The following BAIAP2 variants were observed in gnomAD, a reference collection of about 807,000 sequenced individuals.
BAIAP2 encodes the protein BAR/IMD domain-containing adapter protein 2.
BAIAP2 carries 18 observed loss-of-function variants against 63.0 expected under a neutral mutation model. That is an observed-to-expected ratio of 0.29 (90% CI 0.20 to 0.42). The LOEUF is 0.42. Among genes scored for constraint, BAIAP2 ranks in the 10% least tolerant of loss-of-function variants. BAIAP2 has a pLI of 1.00. For synonymous variants in BAIAP2, 386 were observed against 307.6 expected (o/e 1.25, Z -2.67); for missense variants, 610 against 734.3 (o/e 0.83, Z 1.96).
intron 1 of BAIAP2, among the ~76,000 whole-genome samples, chr17:81,045,243 G>A (rs2047645256): frequency 6.6e-6 from 1 of 152,212 alleles, no homozygotes; most frequent in African/African-American, 2.4e-5. Context: ...AGGGCGTGCA[G>A]GTGTCCAAGG....
At position 81,103,567 on chromosome 17, in the gene BAIAP2, C is replaced by A; in HGVS notation, c.708C>A (p.Ile236=). 1.2e-6 allele frequency: 2 copies of A among 1,601,678 alleles called. No individual in the cohort carries two copies. The highest frequency in any genetic ancestry group is 1.7e-6 in the Non-Finnish European group (2 of 1,178,944). The change falls in exon 8 of 14, where the codon ATC becomes ATA. Residue 236 remains isoleucine (I), a synonymous_variant. Transcript: ENST00000428708. ...AGGCCTGTGCCGACCCCAGCAAGAT[C>A]CCGGAGCGCGCGGTGCAGCTCATGC... ...WQQACADPSK[I]PERAVQLMQQ...
chr17:81,110,958 TAGTA>T (rs756971041), intron 13 of BAIAP2: 8 of 1,613,724 alleles, frequency 5.0e-6, no homozygotes, highest in African/African-American at 1.3e-5. Context: ...TGACTAGAGT[TAGTA>T]AGTTGCCTGG....
intron 3 of BAIAP2, among the ~76,000 whole-genome samples, chr17:81,079,776 C>A (rs1364938665): frequency 1.3e-5 from 2 of 152,202 alleles, no homozygotes; most frequent in African/African-American, 2.4e-5. Flanking sequence ...TACATTTGAA[C>A]CTCGTCTTTA....
chr17:81,105,580 G>A (rs937121598), intron 10 of BAIAP2: 1 of 157,774 alleles, frequency 6.3e-6, no homozygotes. Flanking sequence ...CCTGGGGGCT[G>A]CATTCCCAGG....
At position 81,115,774 on chromosome 17, in the gene BAIAP2, C is replaced by T. The variant is rs748064943; in HGVS notation, c.1540C>T (p.Pro514Ser). Residue 514 changes from proline to serine, a missense_variant, in exon 14 of 14, where the codon CCC becomes TCC. Physicochemically the swap from Pro to Ser is moderately conservative, Grantham distance 74. This residue lies in a region of BAIAP2 where 114 missense variants were observed against 98.2 expected (regional missense o/e 1.16). Coordinates refer to ENST00000428708, the MANE Select transcript of BAIAP2 (RefSeq NM_001144888.2). ...DYGARSMSRNPFAHVQLKPTV... is the reference protein window; with the variant it reads ...DYGARSMSRNSFAHVQLKPTV... Reference sequence around the variant, plus strand: ...AACCACGTTTTTCTCTTTCAGGAATCCCTTTGCCCACGTCCAGCTGAAGCC... The same window carrying T: ...AACCACGTTTTTCTCTTTCAGGAATTCCTTTGCCCACGTCCAGCTGAAGCC... 6.2e-6 allele frequency: 10 copies of T among 1,613,448 alleles called. No individual in the cohort carries two copies. Among genetic ancestry groups the T allele is most frequent in the Admixed American group, 1.7e-5 (1 of 60,004 alleles).
rs986309024 is a variant in BAIAP2 at position 81,116,107 on chromosome 17, A to G, written c.*268A>G. 7.4e-5 allele frequency: 115 copies of G among 1,549,322 alleles called. No individual in the cohort carries two copies. The highest frequency in any genetic ancestry group is 9.2e-5 in the Non-Finnish European group (106 of 1,150,770). On this transcript the variant is annotated 3_prime_UTR_variant, in exon 14 of 14. Coordinates refer to ENST00000428708, the MANE Select transcript of BAIAP2 (RefSeq NM_001144888.2). Reference sequence around the variant, plus strand: ...CTTGAGGGTACACGCCTCTGGTCACATGGCCATGGAGCCTTGGGTACCCCT... The same window carrying G: ...CTTGAGGGTACACGCCTCTGGTCACGTGGCCATGGAGCCTTGGGTACCCCT...
chr17:81,038,968 G>A (rs1353252050), intron 1 of BAIAP2, among the ~76,000 whole-genome samples: 2 of 152,222 alleles, frequency 1.3e-5, no homozygotes, highest in Non-Finnish European at 2.9e-5. Context: ...CTCCGTGCGC[G>A]TGTACATGTG....
Position 81,114,052 on chromosome 17 carries a change from C to T in BAIAP2, c.1536-1718C>T, listed in dbSNP as rs192057265. ...GGAACACAGCTCACTACTGCCTCGC[C>T]CTCCTGGGTTCAAGCGATCCTCCCA... is the stretch of plus-strand genomic sequence containing the variant. On this transcript the variant is annotated intron_variant, in intron 13 of 13. Transcript: ENST00000428708. 2.9e-3 allele frequency among the ~76,000 whole-genome samples: 435 copies of T among 151,004 alleles called. 2 individuals carry two copies. The highest frequency in any genetic ancestry group is 0.01 in the African/African-American group (411 of 40,964).
chr17:81,091,111 G>GCCCTTGCTTGTGTGGCCCCAC (rs2056677708), intron 6 of BAIAP2, among the ~76,000 whole-genome samples: 3 of 133,710 alleles, frequency 2.2e-5, no homozygotes, highest in African/African-American at 8.4e-5. Flanking sequence ...AGGAGGCCCT[G>GCCCTTGCTTGTGTGGCCCCAC]CCCTTGCTTG....
chr17:81,095,330 G>A (rs72854126), intron 6 of BAIAP2, among the ~76,000 whole-genome samples: 14,477 of 152,186 alleles, frequency 0.095, 976 homozygotes, highest in Admixed American at 0.2. Context: ...GACGTGCCCC[G>A]TATAGGTCAT....
Position 81,086,707 on chromosome 17 carries a change from G to A in BAIAP2, c.489+127G>A. ...GCGATCAGACAGAGGCAGGCTGTGT[G>A]TCCCTGGTAGACCTCGGGAGCGGTG... On this transcript the variant is annotated intron_variant, in intron 6 of 13. Coordinates refer to ENST00000428708, the MANE Select transcript of BAIAP2 (RefSeq NM_001144888.2). The A allele has an allele frequency of 6.2e-6, 7 of 1,123,950 alleles. No homozygotes were observed. The South Asian group carries it at 1.0e-4, about 17-fold the overall frequency. The allele number at this position is 1,123,950 out of a possible 1,614,324, so 69.6% of individuals were successfully genotyped here.
In BAIAP2 at chr17:81,035,260, T is replaced by C. The variant is rs1358187478; in HGVS notation, c.6T>C (p.Ser2=). Residue 2 remains serine, a synonymous_variant, in exon 1 of 14, where the codon TCT becomes TCC. Transcript: ENST00000428708. The part of the protein sequence containing the change: M[S]LSRSEEMHRL... ...TGCAGCCGGGACCCAGGACCATGTC[T>C]CTGTCTCGCTCAGAGGAGATGCACC... 2 of 1,521,546 alleles carry C rather than the reference T, an allele frequency of 1.3e-6. No individual in the cohort carries two copies. The highest frequency in any genetic ancestry group is 1.8e-6 in the Non-Finnish European group (2 of 1,131,292). 94.3% of individuals were successfully genotyped at this position (1,521,546 alleles called of 1,614,324 possible).
intron 3 of BAIAP2, among the ~76,000 whole-genome samples, chr17:81,082,254 C>A (rs533595780): frequency 3.3e-5 from 5 of 152,208 alleles, no homozygotes; most frequent in African/African-American, 7.2e-5. Context: ...CACCCGTGTA[C>A]GGTTCACGCT....
intron 2 of BAIAP2, 57 bp downstream of exon 2, chr17:81,053,800 G>T (rs2049041499): frequency 6.3e-7 from 1 of 1,597,470 alleles, no homozygotes; most frequent in African/African-American, 1.4e-5. Context: ...TGGTAGAACT[G>T]CGCCCGGGCC....
chr17:81,040,834 G>A lies in BAIAP2; in HGVS notation c.54+5526G>A, dbSNP rs994637169. On this transcript the variant is annotated intron_variant, in intron 1 of 13. Transcript: ENST00000428708. ...TGGGGCTGGCCTAGGCAGGCTGAGGGCTATTTCTCCTACTGTGGCCCAGGG... is the reference window on the plus strand; with the variant it reads ...TGGGGCTGGCCTAGGCAGGCTGAGGACTATTTCTCCTACTGTGGCCCAGGG... 2.0e-5 allele frequency among the ~76,000 whole-genome samples: 3 copies of A among 152,354 alleles called. No individual in the cohort carries two copies. In the South Asian group the frequency reaches 6.2e-4, roughly 32 times the overall value.
chr17:81,077,499 C>T (rs947871849), intron 3 of BAIAP2, among the ~76,000 whole-genome samples: 1 of 151,080 alleles, frequency 6.6e-6, no homozygotes, highest in Non-Finnish European at 1.5e-5. Flanking sequence ...ACCCGGGAGG[C>T]GGAGGTTGCA....
At chr17:81,045,987 G>T (rs916644056) in intron 1 of BAIAP2, among the ~76,000 whole-genome samples, 8 of 152,184 alleles carry the variant, frequency 5.3e-5, no homozygotes. Flanking sequence ...GGGTCTCATG[G>T]CCTGGGGGGG....
Position 81,057,971 on chromosome 17 carries a change from A to AGGGGGGGGGGGGGGGC in BAIAP2, c.217+5_217+6insGGGGGGGGGGGGGGCG. 1.5e-6 allele frequency: 1 copy of AGGGGGGGGGGGGGGGC among 664,810 alleles called. No homozygotes were observed. Among genetic ancestry groups the AGGGGGGGGGGGGGGGC allele is most frequent in the Admixed American group, 3.7e-5 (1 of 27,098 alleles). 41.2% of individuals were successfully genotyped at this position (664,810 alleles called of 1,614,324 possible). On this transcript the variant is annotated splice_donor_region_variant and intron_variant, in intron 3 of 13. Coordinates refer to ENST00000428708, the MANE Select transcript of BAIAP2 (RefSeq NM_001144888.2). The stretch of plus-strand genomic sequence containing the variant: ...AGCCAGGGCTCCAAAGAACTCGGTG[A>AGGGGGGGGGGGGGGGC]GACCCCCCCCCCCCCCCCGCCTGGT...
chr17:81,103,786 C>A, intron 8 of BAIAP2, 63 bp downstream of exon 8: 1 of 1,561,964 alleles, frequency 6.4e-7, no homozygotes, highest in Non-Finnish European at 8.7e-7. Flanking sequence ...GTTGTCAGGG[C>A]GGGGGGCCGC....
Sources: allele counts gnomAD v4.1 joint callset (sites outside exome capture counted in the v4.1 genomes callset), GRCh38; gene constraint gnomAD v4.1.1; regional missense constraint gnomAD v4.1.1; transcripts MANE v1.5; gene names NCBI Gene and HGNC (gene_info 2026-07-23, HGNC 2026-07-21).